The following PTPN1 variants were observed in gnomAD, a reference collection of about 807,000 sequenced individuals.
The protein encoded by PTPN1 is tyrosine-protein phosphatase non-receptor type 1.
A neutral mutation model predicts 59.9 loss-of-function variants in PTPN1; 12 were observed. The observed-to-expected ratio is 0.20, with a 90% CI of 0.13 to 0.32. PTPN1 has a LOEUF of 0.32. Among genes scored for constraint, PTPN1 ranks in the 10% least tolerant of loss-of-function variants. The pLI is 1.00. For missense variants in PTPN1, 356 were observed against 549.2 expected (o/e 0.65, Z 3.52); for synonymous variants, 178 against 203.6 (o/e 0.87, Z 1.07).
At chr20:50,556,542 C>T (rs2082726791) in intron 1 of PTPN1, among the ~76,000 whole-genome samples, 1 of 152,062 alleles carries the variant, frequency 6.6e-6, no homozygotes, top group Non-Finnish European at 1.5e-5. Flanking sequence ...TCTTACCTGC[C>T]CTTTTACAGT....
intron 1 of PTPN1, among the ~76,000 whole-genome samples, chr20:50,541,551 T>C (rs1369822768): frequency 1.3e-5 from 2 of 152,164 alleles, no homozygotes; most frequent in East Asian, 3.9e-4. Context: ...ATGTGTCCCA[T>C]GTTCCTTTCT....
intron 1 of PTPN1, among the ~76,000 whole-genome samples, chr20:50,537,746 G>A (rs2082630405): frequency 6.6e-6 from 1 of 152,164 alleles, no homozygotes; most frequent in Non-Finnish European, 1.5e-5. Context: ...CCTGTTGATT[G>A]TTTAGATACG....
intron 1 of PTPN1, among the ~76,000 whole-genome samples, chr20:50,551,016 C>T (rs938588007): frequency 2.2e-4 from 33 of 152,316 alleles, no homozygotes; most frequent in African/African-American, 7.5e-4. Flanking sequence ...AAATAGAAAT[C>T]TCTAATCAAA....
At chr20:50,561,788 C>T (rs1278076593) in intron 2 of PTPN1, among the ~76,000 whole-genome samples, 1 of 152,192 alleles carries the variant, frequency 6.6e-6, no homozygotes, top group Non-Finnish European at 1.5e-5. Context: ...GACTCAGCAG[C>T]AGCGTCATTA....
Position 50,538,071 on chromosome 20 carries a change from G to A in PTPN1, c.64-23292G>A, listed in dbSNP as rs6126038. On this transcript the variant is annotated intron_variant, in intron 1 of 9. Coordinates refer to ENST00000371621, the MANE Select transcript of PTPN1 (RefSeq NM_002827.4). The stretch of plus-strand genomic sequence containing the variant: ...CTGCCTCTCTGGGGAACAAATAACC[G>A]AAAAGATACTCAGCACCCTGGTTGG... 8.4e-4 allele frequency among the ~76,000 whole-genome samples: 128 copies of A among 152,200 alleles called. 2 individuals carry two copies. The East Asian group carries it at 0.023, about 27-fold the overall frequency.
intron 8 of PTPN1, 79 bp from the exon 9 acceptor site, chr20:50,581,179 TCCTAGAA>T: frequency 6.7e-7 from 1 of 1,499,508 alleles, no homozygotes; most frequent in Admixed American, 2.2e-5. Context: ...GCTTGTTTTT[TCCTAGAA>T]TTCCTGCCAC....
At position 50,582,087 on chromosome 20, in the gene PTPN1, G is replaced by A. The variant is rs117734753; in HGVS notation, c.1285-605G>A. ...ATAAGAAGAACAGCAACAAAAGGCC[G>A]TCTAGAAAAACAGAACCTGCCTCTG... On this transcript the variant is annotated intron_variant, in intron 9 of 9. Transcript: ENST00000371621. The surrounding 1 kb of genome is among the most constrained non-coding windows in gnomAD (Gnocchi z 4.2). Among the ~76,000 whole-genome samples the A allele has an allele frequency of 0.011, 1,617 of 152,332 alleles. 12 individuals are homozygous for A. Among genetic ancestry groups the A allele is most frequent in the Middle Eastern group, 0.017 (5 of 294 alleles).
rs150050304 is a variant in PTPN1, at chr20:50,552,949, C to T, written c.64-8414C>T. 2.9e-3 allele frequency among the ~76,000 whole-genome samples: 442 copies of T among 152,202 alleles called. 2 individuals are homozygous for T. The highest frequency in any genetic ancestry group is 0.018 in the South Asian group (86 of 4,812). ...TACTGGAAGGTCTTTTGTGACCATC[C>T]TACTTATTATAAAAAAATAATCTGC... On this transcript the variant is annotated intron_variant, in intron 1 of 9. Transcript: ENST00000371621.
chr20:50,567,106 G>A (rs1295117642), intron 3 of PTPN1, among the ~76,000 whole-genome samples: 3 of 152,172 alleles, frequency 2.0e-5, no homozygotes, highest in Non-Finnish European at 4.4e-5. Flanking sequence ...AAGTGTGATG[G>A]GACTTAAAGG....
intron 1 of PTPN1, among the ~76,000 whole-genome samples, chr20:50,515,034 G>A (rs1057040645): frequency 6.6e-6 from 1 of 152,224 alleles, no homozygotes; most frequent in Non-Finnish European, 1.5e-5. Context: ...GCAGAAATGA[G>A]TGAAGCCGGT....
intron 1 of PTPN1, among the ~76,000 whole-genome samples, chr20:50,532,100 A>G (rs1167846628): frequency 6.6e-6 from 1 of 152,238 alleles, no homozygotes; most frequent in South Asian, 2.1e-4. Flanking sequence ...TAACCTACCA[A>G]TGCCAGTTGA....
rs2082500835 is a variant in PTPN1, at chr20:50,510,444, T to G, written c.-84T>G. 4 of 1,463,030 alleles carry G rather than the reference T, an allele frequency of 2.7e-6. No homozygotes were observed. The South Asian group carries it at 5.0e-5, about 18-fold the overall frequency. The allele number at this position is 1,463,030 out of a possible 1,614,324, so 90.6% of individuals were successfully genotyped here. A position where few individuals can be genotyped will look rare whatever the true frequency, so the allele number is the denominator to read the frequency against. On this transcript the variant is annotated 5_prime_UTR_variant, in exon 1 of 10. Transcript: ENST00000371621. ...CAGGGGTCGGGGATTGCAGCGGGCC[T>G]CGGGGCTAAGAGCGCGACGCGGCCT...
chr20:50,560,726 G>GT (rs898198558), intron 1 of PTPN1, among the ~76,000 whole-genome samples: 1 of 149,466 alleles, frequency 6.7e-6, no homozygotes, highest in Non-Finnish European at 1.5e-5. Flanking sequence ...GTGTGTATTT[G>GT]TTTTTTTAGT....
At chr20:50,542,000 T>G (rs2082655185) in intron 1 of PTPN1, among the ~76,000 whole-genome samples, 1 of 152,168 alleles carries the variant, frequency 6.6e-6, no homozygotes, top group African/African-American at 2.4e-5. Flanking sequence ...CTCTGATCAG[T>G]ACTTTCTACT....
At chr20:50,539,026 CTTTTTTTTTT>C (rs71190576) in intron 1 of PTPN1, among the ~76,000 whole-genome samples, 2 of 85,294 alleles carry the variant, frequency 2.3e-5, no homozygotes, top group South Asian at 4.4e-4. Context: ...CTTCTCAATT[CTTTTTTTTTT>C]TTTTTTTTTT....
intron 1 of PTPN1, 40 bp from the exon 2 acceptor site, chr20:50,561,323 T>C: frequency 6.9e-7 from 1 of 1,440,360 alleles, no homozygotes; most frequent in Non-Finnish European, 9.7e-7. Flanking sequence ...TCTTCCTCAG[T>C]GTCTGACGGT....
intron 1 of PTPN1, among the ~76,000 whole-genome samples, chr20:50,530,863 G>T (rs1159097958): frequency 1.3e-5 from 2 of 151,670 alleles, no homozygotes; most frequent in African/African-American, 4.8e-5. Context: ...CCAGCTAATT[G>T]TTTTTTTATT....
At position 50,568,031 on chromosome 20, in the gene PTPN1, C is replaced by T. The variant is rs2082787386; in HGVS notation, c.256-349C>T. Among the ~76,000 whole-genome samples the T allele has an allele frequency of 6.6e-6, 1 of 152,242 alleles. No individual in the cohort carries two copies. The highest frequency in any genetic ancestry group is 1.5e-5 in the Non-Finnish European group (1 of 68,044). On this transcript the variant is annotated intron_variant, in intron 3 of 9. Transcript: ENST00000371621. The surrounding 1 kb of genome is among the most constrained non-coding windows in gnomAD (Gnocchi z 5.6). ...GCCACGCCCCCACACTGCCTCTCAT[C>T]TGCACCAAGGAGTTTTGTCCCATAG...
At position 50,513,133 on chromosome 20, in the gene PTPN1, G is replaced by A. The variant is rs137931255; in HGVS notation, c.63+2543G>A. ...GCAGCTTGGAAAACAAACTTTTTAG[G>A]CAGAGATTCTTTGCTAGGTCAGTTT... On this transcript the variant is annotated intron_variant, in intron 1 of 9. Coordinates refer to ENST00000371621, the MANE Select transcript of PTPN1 (RefSeq NM_002827.4). Among the ~76,000 whole-genome samples the A allele has an allele frequency of 1.7e-4, 26 of 152,296 alleles. No homozygotes were observed. In the East Asian group the frequency reaches 4.8e-3, roughly 28 times the overall value.
Sources: allele counts gnomAD v4.1 joint callset (sites outside exome capture counted in the v4.1 genomes callset), GRCh38; gene constraint gnomAD v4.1.1; non-coding constraint Gnocchi (gnomAD v3.1); transcripts MANE v1.5; gene names NCBI Gene and HGNC (gene_info 2026-07-23, HGNC 2026-07-21).